EVI5: variants seen among roughly 807,000 people sequenced by gnomAD.
EVI5 encodes the protein ecotropic viral integration site 5 protein homolog.
In EVI5, 73 loss-of-function variants were observed where a neutral mutation model predicts 112.0. That is an observed-to-expected ratio of 0.65 (90% CI 0.54 to 0.79). The LOEUF is 0.79. Among genes scored for constraint, EVI5 ranks in the 30% least tolerant of loss-of-function variants. The pLI, the probability that EVI5 is intolerant of heterozygous loss-of-function variation, is 0.00. For synonymous variants in EVI5, 305 were observed against 319.9 expected, an observed-to-expected ratio of 0.95 and a Z score of 0.50; for missense variants, 900 against 968.8, an observed-to-expected ratio of 0.93 and a Z score of 0.94.
chr1:92,782,929 C>G (rs1197025699), intron 1 of EVI5, among the ~76,000 whole-genome samples: 1 of 152,204 alleles, frequency 6.6e-6, no homozygotes, highest in Non-Finnish European at 1.5e-5. Context: ...TGGTGATCCT[C>G]CCACCTCAGC....
At chr1:92,752,475 A>T (rs1570766288) in intron 1 of EVI5, among the ~76,000 whole-genome samples, 2 of 152,160 alleles carry the variant, frequency 1.3e-5, no homozygotes, top group Non-Finnish European at 1.5e-5. Flanking sequence ...CACTGCACCC[A>T]GCCTAATGAA....
chr1:92,735,813 A>G lies in EVI5; in HGVS notation c.149+585T>C, dbSNP rs1677321410. ...AAGTATATTATATATTTTGTATATT[A>G]TATATTATTATAATATAATCTATTA... is the stretch of plus-strand genomic sequence containing the variant. On this transcript the variant is annotated intron_variant, in intron 2 of 19. Coordinates refer to ENST00000684568, the MANE Select transcript of EVI5 (RefSeq NM_001350197.2). Among the ~76,000 whole-genome samples the G allele has an allele frequency of 4.2e-5, 6 of 143,532 alleles. No individual in the cohort carries two copies. The South Asian group carries it at 1.3e-3, about 30-fold the overall frequency. The allele number at this position is 143,532 out of a possible 152,430, so 94.2% of individuals were successfully genotyped here.
upstream of EVI5, among the ~76,000 whole-genome samples, chr1:92,785,517 T>G (rs1385367035): frequency 6.6e-6 from 1 of 152,186 alleles, no homozygotes; most frequent in Non-Finnish European, 1.5e-5. Context: ...CTTAGGGCAC[T>G]CGCAAAAACA....
At chr1:92,778,114 G>A (rs1271567527) in intron 1 of EVI5, among the ~76,000 whole-genome samples, 2 of 152,006 alleles carry the variant, frequency 1.3e-5, no homozygotes, top group Non-Finnish European at 2.9e-5. Context: ...TCACCATGTT[G>A]GCCAGGATGG....
At position 92,790,513 on chromosome 1, in the gene EVI5, T is replaced by G. The variant is rs571663358; in HGVS notation, c.51+1831A>C. Among the ~76,000 whole-genome samples, 28 of 131,020 alleles carry G rather than the reference T, an allele frequency of 2.1e-4. 1 individual carries two copies. In the South Asian group the frequency reaches 6.0e-3, roughly 28 times the overall value. The allele number at this position is 131,020 out of a possible 152,430, so 86.0% of individuals were successfully genotyped here. ...AACTCCTACTAATGTTCAAAACTGG[T>G]TTTTTTTTTTGGTTTTTTTTTTTAA... On this transcript the variant is annotated intron_variant, in intron 1 of 17. Transcript: ENST00000370331.
At chr1:92,724,680 C>A (rs1248963964) in intron 2 of EVI5, among the ~76,000 whole-genome samples, 1 of 152,014 alleles carries the variant, frequency 6.6e-6, no homozygotes, top group Non-Finnish European at 1.5e-5. Context: ...TAGTGGCACA[C>A]ACCTATAGTC....
chr1:92,634,696 A>G (rs1052605511), intron 14 of EVI5, among the ~76,000 whole-genome samples: 4 of 152,136 alleles, frequency 2.6e-5, no homozygotes, highest in African/African-American at 7.2e-5. Flanking sequence ...GTCATTCTCC[A>G]TTCAGCTTTT....
intron 18 of EVI5, among the ~76,000 whole-genome samples, chr1:92,576,283 G>A (rs867949017): frequency 7.2e-5 from 11 of 152,054 alleles, no homozygotes; most frequent in African/African-American, 2.7e-4. Flanking sequence ...TTTTGTATAT[G>A]TACATTAAAA....
At chr1:92,742,112 C>CAA (rs199531480) in intron 1 of EVI5, among the ~76,000 whole-genome samples, 1 of 149,202 alleles carries the variant, frequency 6.7e-6, no homozygotes, top group African/African-American at 2.5e-5. Context: ...ATTAATAACA[C>CAA]AAAAAAAAAC....
rs190024744 is a variant in EVI5, at chr1:92,515,270, T to C, written c.2167-1300A>G. Among the ~76,000 whole-genome samples the C allele has an allele frequency of 5.9e-5, 9 of 152,278 alleles. No homozygotes were observed. The East Asian group carries it at 1.4e-3, about 23-fold the overall frequency. ...ATTCTAGAGTTTAGTATTGAAAAAATTGTGCCACATTTAAATCTAAACCAC... is the reference window on the plus strand; with the variant it reads ...ATTCTAGAGTTTAGTATTGAAAAAACTGTGCCACATTTAAATCTAAACCAC... On this transcript the variant is annotated intron_variant, in intron 19 of 19. Transcript: ENST00000684568.
intron 2 of EVI5, among the ~76,000 whole-genome samples, chr1:92,709,806 T>C (rs1672562489): frequency 6.6e-6 from 1 of 152,116 alleles, no homozygotes; most frequent in Admixed American, 6.5e-5. Context: ...AGCATTTTTA[T>C]TCCTTATTGC....
chr1:92,571,927 T>C (rs570321324), intron 18 of EVI5, among the ~76,000 whole-genome samples: 26 of 152,272 alleles, frequency 1.7e-4, no homozygotes, highest in African/African-American at 5.8e-4. Flanking sequence ...GCCCAACATA[T>C]CAACAACTTT....
Position 92,569,207 on chromosome 1 carries a change from A to G in EVI5, c.2071-5470T>C, listed in dbSNP as rs151186918. Among the ~76,000 whole-genome samples, 414 of 152,322 alleles carry G rather than the reference A, an allele frequency of 2.7e-3. 3 individuals are homozygous for G. Among genetic ancestry groups the G allele is most frequent in the Non-Finnish European group, 4.6e-3 (316 of 68,030 alleles). The stretch of plus-strand genomic sequence containing the variant: ...CTTCATAGATGAGGAAACGTAAATG[A>G]AAGATTGAGTGAACTGGTTGCCTAA... On this transcript the variant is annotated intron_variant, in intron 18 of 19. Transcript: ENST00000684568.
intron 14 of EVI5, among the ~76,000 whole-genome samples, chr1:92,627,259 G>A (rs1055118125): frequency 1.3e-5 from 2 of 152,296 alleles, no homozygotes; most frequent in East Asian, 1.9e-4. Flanking sequence ...GAGAACATAC[G>A]ATGCTTGGTT....
At chr1:92,651,850 CAA>C (rs35991116) in intron 13 of EVI5, among the ~76,000 whole-genome samples, 59 of 90,644 alleles carry the variant, frequency 6.5e-4, no homozygotes, top group Middle Eastern at 5.3e-3. Context: ...GACTCCGTCT[CAA>C]AAAAAAAAAA....
Position 92,649,155 on chromosome 1 carries a change from T to C in EVI5, c.1393-12819A>G, listed in dbSNP as rs563541762. Among the ~76,000 whole-genome samples, 74 of 152,364 alleles carry C rather than the reference T, an allele frequency of 4.9e-4. 1 individual carries two copies. The highest frequency in any genetic ancestry group is 6.5e-4 in the Non-Finnish European group (44 of 68,046). ...GTTGAGCATCTTTTCATTTGCTTTT[T>C]GGCCATCTGCATATCTTCTTTGGAG... On this transcript the variant is annotated intron_variant, in intron 13 of 19. Transcript: ENST00000684568.
At chr1:92,624,468 T>A (rs1256817313) in intron 15 of EVI5, 134 bp from the exon 16 acceptor site, 1 of 702,868 alleles carries the variant, frequency 1.4e-6, no homozygotes, top group East Asian at 2.7e-5. Flanking sequence ...CCCTAGAAAA[T>A]CCTATTAATC....
intron 16 of EVI5, among the ~76,000 whole-genome samples, chr1:92,618,212 A>T (rs1023288135): frequency 2.6e-5 from 4 of 152,164 alleles, no homozygotes; most frequent in African/African-American, 9.7e-5. Context: ...GTGGAAGTGC[A>T]AGTGGCACCA....
intron 3 of EVI5, 130 bp from the exon 4 acceptor site, chr1:92,703,749 A>G: frequency 1.6e-6 from 1 of 631,962 alleles, no homozygotes; most frequent in Non-Finnish European, 2.7e-6. Context: ...AGCTAGCTTT[A>G]TAATAAGACT....
Sources: allele counts gnomAD v4.1 joint callset (sites outside exome capture counted in the v4.1 genomes callset), GRCh38; gene constraint gnomAD v4.1.1; transcripts MANE v1.5; gene names NCBI Gene and HGNC (gene_info 2026-07-23, HGNC 2026-07-21).